The following UNC13C variants were observed in gnomAD, a reference collection of about 807,000 sequenced individuals.
UNC13C encodes protein unc-13 homolog C.
Under a neutral mutation model 245.4 loss-of-function variants are expected in UNC13C, and 174 were observed. The ratio of observed to expected loss-of-function variants is 0.71; its 90% CI spans 0.63 to 0.80. UNC13C has a LOEUF of 0.80. UNC13C is among the 30% of genes least tolerant of loss of function. UNC13C has a pLI of 0.00. For synonymous variants in UNC13C, 992 were observed against 895.1 expected (o/e 1.11, Z -1.93); for missense variants, 2,829 against 2,602.9 (o/e 1.09, Z -1.89).
intron 30 of UNC13C, among the ~76,000 whole-genome samples, chr15:54,582,427 G>A (rs1254080028): frequency 6.6e-6 from 1 of 152,178 alleles, no homozygotes; most frequent in Non-Finnish European, 1.5e-5. Context: ...AGTTAAGAGA[G>A]TAGTCAGTTC....
At chr15:54,451,602 T>C (rs1891179948) in intron 19 of UNC13C, among the ~76,000 whole-genome samples, 1 of 152,144 alleles carries the variant, frequency 6.6e-6, no homozygotes, top group African/African-American at 2.4e-5. Context: ...AGTTCCAGGA[T>C]ATTTTGGTTA....
intron 10 of UNC13C, among the ~76,000 whole-genome samples, chr15:54,267,877 A>C (rs1468746231): frequency 6.6e-6 from 1 of 151,956 alleles, no homozygotes; most frequent in Non-Finnish European, 1.5e-5. Flanking sequence ...TGGAGGCTCT[A>C]CTTGAATACA....
chr15:54,124,725 A>C (rs562650267), intron 2 of UNC13C, among the ~76,000 whole-genome samples: 1 of 152,258 alleles, frequency 6.6e-6, no homozygotes, highest in South Asian at 2.1e-4. Context: ...TTTTCTCCTA[A>C]GTTAACTAAG....
At chr15:54,182,531 A>T (rs2033837177) in intron 4 of UNC13C, among the ~76,000 whole-genome samples, 1 of 152,052 alleles carries the variant, frequency 6.6e-6, no homozygotes, top group Non-Finnish European at 1.5e-5. Flanking sequence ...TCATAGAATG[A>T]GTCAGAAAGG....
intron 4 of UNC13C, among the ~76,000 whole-genome samples, chr15:54,208,747 T>C (rs1415035425): frequency 6.6e-6 from 1 of 152,066 alleles, no homozygotes; most frequent in East Asian, 1.9e-4. Flanking sequence ...TAAGTCTCAT[T>C]GAAAAGATGA....
At chr15:54,250,119 CA>C in intron 7 of UNC13C, 105 bp from the exon 8 acceptor site, 1 of 1,102,620 alleles carries the variant, frequency 9.1e-7, no homozygotes, top group Non-Finnish European at 1.3e-6. Flanking sequence ...GGGGCTCTCT[CA>C]AAATACCATT....
At chr15:54,289,728 A>G (rs1375213740) in intron 10 of UNC13C, among the ~76,000 whole-genome samples, 2 of 152,004 alleles carry the variant, frequency 1.3e-5, no homozygotes, top group Non-Finnish European at 2.9e-5. Flanking sequence ...GAAAACACCG[A>G]TCAATACTTT....
At chr15:54,168,361 A>G (rs1456124602) in intron 4 of UNC13C, among the ~76,000 whole-genome samples, 3 of 152,194 alleles carry the variant, frequency 2.0e-5, no homozygotes, top group African/African-American at 7.2e-5. Context: ...CAGTTGAAAT[A>G]TAGTTATGCA....
intron 4 of UNC13C, among the ~76,000 whole-genome samples, chr15:54,216,970 A>T (rs747785885): frequency 1.3e-5 from 2 of 151,964 alleles, no homozygotes; most frequent in African/African-American, 2.4e-5. Flanking sequence ...CCCTCCAAAG[A>T]GATCATCAGG....
At chr15:54,259,054 C>T (rs1419628640) in intron 8 of UNC13C, among the ~76,000 whole-genome samples, 1 of 152,234 alleles carries the variant, frequency 6.6e-6, no homozygotes, top group East Asian at 1.9e-4. Context: ...CCTGCTGCAT[C>T]TTCACATAGT....
chr15:54,371,139 T>G (rs1047138587), intron 17 of UNC13C, among the ~76,000 whole-genome samples: 4 of 152,156 alleles, frequency 2.6e-5, no homozygotes, highest in Admixed American at 2.6e-4. Context: ...TGAAATTTTG[T>G]ATCCTTTAAT....
chr15:54,608,001 T>C (rs1899863968), intron 30 of UNC13C, among the ~76,000 whole-genome samples: 1 of 152,210 alleles, frequency 6.6e-6, no homozygotes, highest in African/African-American at 2.4e-5. Flanking sequence ...CATGCTCTCC[T>C]TGCATTTATT....
intron 1 of UNC13C, among the ~76,000 whole-genome samples, chr15:53,989,332 TA>T (rs10675554): frequency 5.8e-4 from 84 of 145,236 alleles, no homozygotes; most frequent in Non-Finnish European, 5.0e-4. Flanking sequence ...GCTTAATTGT[TA>T]AAAAAAAAAA....
chr15:54,084,412 T>C (rs2141123628), intron 2 of UNC13C, among the ~76,000 whole-genome samples: 1 of 152,356 alleles, frequency 6.6e-6, no homozygotes, highest in Non-Finnish European at 1.5e-5. Flanking sequence ...TGAAGACATA[T>C]CTACCTTGTT....
Position 54,332,066 on chromosome 15 carries a change from G to A in UNC13C, c.4449G>A (p.Leu1483=), listed in dbSNP as rs1283635142. Residue 1483 remains leucine (L), a synonymous_variant, in exon 15 of 33, where the codon CTG becomes CTA. Transcript: ENST00000260323. ...AGAGGGAAAAATTCATAAAACTACT[G>A]GACCAGTTACATAACTCTTTGAGGA... ...NFGREKFIKL[L]DQLHNSLRID... 5 of 1,582,184 alleles carry A rather than the reference G, an allele frequency of 3.2e-6. 1 individual carries two copies. In the South Asian group the frequency reaches 5.8e-5, roughly 18 times the overall value.
the UNC13C span, among the ~76,000 whole-genome samples, chr15:53,857,747 T>A: frequency 6.6e-6 from 1 of 152,194 alleles, no homozygotes; most frequent in South Asian, 2.1e-4. Flanking sequence ...TCCATTTCTC[T>A]CTCAAATGTT....
At chr15:54,568,348 G>T (rs996579927) in intron 30 of UNC13C, among the ~76,000 whole-genome samples, 2 of 151,798 alleles carry the variant, frequency 1.3e-5, no homozygotes, top group African/African-American at 4.8e-5. Flanking sequence ...TCCTAATTTC[G>T]AATGTAAAAT....
chr15:54,526,601 G>A (rs192012693), intron 25 of UNC13C, among the ~76,000 whole-genome samples: 64 of 151,958 alleles, frequency 4.2e-4, no homozygotes, highest in African/African-American at 1.4e-3. Context: ...AAAAGTAGCC[G>A]GGCGTGGTGA....
At chr15:53,938,732 G>A in the UNC13C span, among the ~76,000 whole-genome samples, 1 of 152,142 alleles carries the variant, frequency 6.6e-6, no homozygotes, top group South Asian at 2.1e-4. Context: ...CATGGAAATT[G>A]AGCAATCTGC....
Sources: allele counts gnomAD v4.1 joint callset (sites outside exome capture counted in the v4.1 genomes callset), GRCh38; gene constraint gnomAD v4.1.1; transcripts MANE v1.5; gene names NCBI Gene and HGNC (gene_info 2026-07-23, HGNC 2026-07-21).